Variants in SPACA7 observed in about 807,000 individuals in gnomAD.
SPACA7 encodes the protein sperm acrosome associated 7.
A neutral mutation model predicts 26.3 loss-of-function variants in SPACA7; 19 were observed. The observed-to-expected ratio is 0.72, with a 90% confidence interval of 0.50 to 1.06. The LOEUF is 1.06. Ranked by LOEUF, SPACA7 falls within the 50% of genes least tolerant of loss-of-function variation. SPACA7 has a pLI of 0.00. For synonymous variants in SPACA7, 84 were observed against 84.5 expected (o/e 0.99, Z 0.04); for missense variants, 211 against 229.9 (o/e 0.92, Z 0.53).
chr13:112,423,034 C>G (rs567840287), intron 5 of SPACA7, among the ~76,000 whole-genome samples: 1 of 152,248 alleles, frequency 6.6e-6, no homozygotes, highest in East Asian at 1.9e-4. Flanking sequence ...TTTTCAGCAA[C>G]TGAGAATTAC....
At position 112,409,387 on chromosome 13, in the gene SPACA7, C is replaced by T. The variant is rs530809999; in HGVS notation, c.445+8223C>T. On this transcript the variant is annotated intron_variant, in intron 5 of 6. Transcript: ENST00000283550. ...AATGGGATCTAATTAAACTAAAGAG[C>T]TTCTGCACAGCAAAAGAAACTACCA... is the stretch of plus-strand genomic sequence containing the variant. 3.9e-5 allele frequency among the ~76,000 whole-genome samples: 6 copies of T among 152,264 alleles called. No homozygotes were observed. The East Asian group carries it at 9.6e-4, about 24-fold the overall frequency.
chr13:112,397,943 G>T lies in SPACA7; in HGVS notation c.152-106G>T, dbSNP rs1885385522. 7.7e-5 allele frequency: 45 copies of T among 580,930 alleles called. 5 individuals are homozygous for T. The South Asian group carries it at 1.4e-3, about 18-fold the overall frequency. The allele number at this position is 580,930 out of a possible 1,614,324, so 36.0% of individuals were successfully genotyped here. ...GTTCCCGGAGTTCCTGTTTGTACAGGAACTGTGTGTACATTCACTGTGTGT... is the reference window on the plus strand; with the variant it reads ...GTTCCCGGAGTTCCTGTTTGTACAGTAACTGTGTGTACATTCACTGTGTGT... On this transcript the variant is annotated intron_variant, in intron 2 of 6. Transcript: ENST00000283550.
chr13:112,382,280 T>A (rs558569729), intron 1 of SPACA7: 7 of 650,374 alleles, frequency 1.1e-5, no homozygotes, highest in Non-Finnish European at 1.8e-5. Context: ...TTTGACAGAG[T>A]CTCACTCTGT....
At chr13:112,416,832 G>GTGTGTGTGTGTT (rs2139028449) in intron 5 of SPACA7, among the ~76,000 whole-genome samples, 2 of 151,792 alleles carry the variant, frequency 1.3e-5, no homozygotes, top group East Asian at 3.9e-4. Context: ...GTGTGTGTGT[G>GTGTGTGTGTGTT]TATCCACCTT....
intron 5 of SPACA7, among the ~76,000 whole-genome samples, chr13:112,412,274 T>C (rs1419559556): frequency 6.6e-6 from 1 of 152,156 alleles, no homozygotes; most frequent in Non-Finnish European, 1.5e-5. Context: ...TTTGCCCATT[T>C]TTAAATTAGT....
At chr13:112,380,523 C>T (rs1267880945) in intron 1 of SPACA7, among the ~76,000 whole-genome samples, 1 of 151,728 alleles carries the variant, frequency 6.6e-6, no homozygotes, top group Non-Finnish European at 1.5e-5. Context: ...TAAAGCTCAT[C>T]TATAAAATCT....
intron 5 of SPACA7, among the ~76,000 whole-genome samples, chr13:112,426,858 A>G (rs1361913097): frequency 1.3e-5 from 2 of 152,174 alleles, no homozygotes; most frequent in Non-Finnish European, 2.9e-5. Flanking sequence ...CCTTTCCAAC[A>G]TATATGTCTT....
chr13:112,383,240 G>T (rs942718528), intron 1 of SPACA7, among the ~76,000 whole-genome samples: 1 of 150,804 alleles, frequency 6.6e-6, no homozygotes, highest in Admixed American at 6.6e-5. Context: ...GACTGAAAAA[G>T]ATTTAAAAGC....
intron 1 of SPACA7, among the ~76,000 whole-genome samples, chr13:112,383,115 G>GA (rs371326448): frequency 0.027 from 214 of 7,974 alleles, 4 homozygotes; most frequent in African/African-American, 0.053. Context: ...GAAAAGAAAA[G>GA]AAAAGAAAAG....
intron 6 of SPACA7, 124 bp from the exon 7 acceptor site, chr13:112,434,361 C>A: frequency 1.3e-6 from 1 of 783,604 alleles, no homozygotes; most frequent in Non-Finnish European, 2.1e-6. Context: ...CCGCAGGGCT[C>A]TCCCCTCCCT....
intron 2 of SPACA7, among the ~76,000 whole-genome samples, chr13:112,395,492 G>A (rs970705191): frequency 6.6e-6 from 1 of 152,048 alleles, no homozygotes; most frequent in Admixed American, 6.5e-5. Context: ...TTTTGAGATG[G>A]AGTCTCACAC....
At chr13:112,430,022 G>C (rs1340013532) in intron 5 of SPACA7, among the ~76,000 whole-genome samples, 1 of 152,068 alleles carries the variant, frequency 6.6e-6, no homozygotes, top group African/African-American at 2.4e-5. Flanking sequence ...TTTCTGACAG[G>C]AACCCCACTT....
intron 5 of SPACA7, among the ~76,000 whole-genome samples, chr13:112,431,642 C>T (rs1228368440): frequency 2.6e-5 from 4 of 152,294 alleles, no homozygotes; most frequent in South Asian, 2.1e-4. Context: ...ATTATTCATG[C>T]GTTCACAAAA....
chr13:112,426,073 T>C lies in SPACA7; in HGVS notation c.446-6371T>C, dbSNP rs1452823506. Among the ~76,000 whole-genome samples, 9 of 152,374 alleles carry C rather than the reference T, an allele frequency of 5.9e-5. 1 individual carries two copies. The highest frequency in any genetic ancestry group is 1.2e-4 in the African/African-American group (5 of 41,584). On this transcript the variant is annotated intron_variant, in intron 5 of 6. Transcript: ENST00000283550. ...GCATTAAATGCTTGTATTGAGTTAATTTGCATATATGGTGTGAGGTTATTG... is the reference window on the plus strand; with the variant it reads ...GCATTAAATGCTTGTATTGAGTTAACTTGCATATATGGTGTGAGGTTATTG...
intron 1 of SPACA7, among the ~76,000 whole-genome samples, chr13:112,383,045 ACAGAAG>A (rs1566452386): frequency 2.1e-4 from 28 of 134,982 alleles, no homozygotes; most frequent in South Asian, 1.2e-3. Flanking sequence ...AGAGAGAAAG[ACAGAAG>A]GAAAGAAAGA....
At chr13:112,387,710 A>T (rs909958355) in intron 1 of SPACA7, among the ~76,000 whole-genome samples, 5 of 152,124 alleles carry the variant, frequency 3.3e-5, no homozygotes, top group African/African-American at 1.2e-4. Context: ...ACTGCACCAT[A>T]GCTGTGGGGT....
intron 5 of SPACA7, among the ~76,000 whole-genome samples, chr13:112,408,561 C>G (rs1254389014): frequency 1.1e-5 from 1 of 93,912 alleles, no homozygotes; most frequent in Non-Finnish European, 2.3e-5. Flanking sequence ...CACAAGCATT[C>G]TTATACACCA....
chr13:112,399,613 A>C (rs1885509093), intron 4 of SPACA7, among the ~76,000 whole-genome samples: 5 of 152,226 alleles, frequency 3.3e-5, no homozygotes, highest in South Asian at 4.1e-4. Context: ...GAAAAAAATC[A>C]GTGTGCAAAG....
chr13:112,383,833 A>G (rs1400328971), intron 1 of SPACA7, among the ~76,000 whole-genome samples: 3 of 152,256 alleles, frequency 2.0e-5, no homozygotes, highest in Non-Finnish European at 2.9e-5. Context: ...AAAATGACCA[A>G]TTTCTCCAAT....
Sources: allele counts gnomAD v4.1 joint callset (sites outside exome capture counted in the v4.1 genomes callset), GRCh38; gene constraint gnomAD v4.1.1; transcripts MANE v1.5; gene names NCBI Gene and HGNC (gene_info 2026-07-23, HGNC 2026-07-21).